MKLN1: variants seen among roughly 807,000 people sequenced by gnomAD.
MKLN1 encodes the protein muskelin.
In MKLN1, 18 loss-of-function variants were observed where a neutral mutation model predicts 99.0. The observed-to-expected ratio is 0.18, with a 90% CI of 0.13 to 0.27. The LOEUF is 0.27. Ranked by LOEUF, MKLN1 falls within the 10% of genes least tolerant of loss-of-function variation. The pLI, the probability that MKLN1 is intolerant of heterozygous loss-of-function variation, is 1.00. For missense variants in MKLN1, 621 were observed against 875.9 expected, an observed-to-expected ratio of 0.71 and a Z score of 3.67; for synonymous variants, 288 against 293.2, an observed-to-expected ratio of 0.98 and a Z score of 0.18.
At chr7:131,453,091 T>G (rs913743983) in intron 12 of MKLN1, among the ~76,000 whole-genome samples, 1 of 152,218 alleles carries the variant, frequency 6.6e-6, no homozygotes, top group South Asian at 2.1e-4. Flanking sequence ...ATAATAACTT[T>G]CCCTGATTTC....
At chr7:131,357,417 T>C (rs574598397) in intron 1 of MKLN1, among the ~76,000 whole-genome samples, 2 of 152,298 alleles carry the variant, frequency 1.3e-5, no homozygotes, top group South Asian at 2.1e-4. Context: ...TTTTCCCTTT[T>C]GCATACTGTA....
intron 12 of MKLN1, among the ~76,000 whole-genome samples, chr7:131,457,143 G>C (rs1043195998): frequency 6.6e-6 from 1 of 151,980 alleles, no homozygotes; most frequent in Admixed American, 6.6e-5. Context: ...CAGGCATGGT[G>C]GCACGTGCCT....
At position 131,128,859 on chromosome 7, in the gene MKLN1, G is replaced by A. The variant is rs1056038392; in HGVS notation, c.-418-13961G>A. ...AGGTGATCCTTCCCCTTCAGCCTCCGGAGTAGCTAGGACCACACGTGTGTG... is the reference window on the plus strand; with the variant it reads ...AGGTGATCCTTCCCCTTCAGCCTCCAGAGTAGCTAGGACCACACGTGTGTG... On this transcript the variant is annotated intron_variant, in intron 1 of 7. Coordinates refer to the MKLN1 transcript ENST00000416992. Among the ~76,000 whole-genome samples the A allele has an allele frequency of 4.0e-5, 6 of 149,860 alleles. No individual in the cohort carries two copies. The Admixed American group carries it at 4.0e-4, about 10-fold the overall frequency.
Position 131,463,360 on chromosome 7 carries a change from A to T in MKLN1, c.1669A>T (p.Ser557Cys). The T allele has an allele frequency of 6.2e-7, 1 of 1,610,956 alleles. No individual in the cohort carries two copies. The highest frequency in any genetic ancestry group is 8.5e-7 in the Non-Finnish European group (1 of 1,178,892). The change falls in exon 13 of 18, where the codon AGT (serine) becomes TGT (cysteine). Residue 557 changes from serine (S) to cysteine (C), a missense_variant. Transcript: ENST00000352689. ...SFWIYDIVRN[S>C]WSCVYKNDQA... ...CTGGATTTATGACATTGTGAGGAAT[A>T]GTTGGTAAGGAACTCTTGTCTCTGC...
chr7:131,249,003 A>G (rs565044933), intron 3 of MKLN1, among the ~76,000 whole-genome samples: 2 of 152,352 alleles, frequency 1.3e-5, no homozygotes, highest in African/African-American at 4.8e-5. Context: ...CTGGAGAAAC[A>G]TAACTGGTCT....
intron 6 of MKLN1, among the ~76,000 whole-genome samples, chr7:131,409,909 T>C (rs1051118585): frequency 3.3e-5 from 5 of 152,200 alleles, no homozygotes; most frequent in African/African-American, 1.2e-4. Context: ...ATTCTTGTAC[T>C]TCGACAAATT....
At chr7:131,162,101 T>C (rs1796063760) in intron 2 of MKLN1, among the ~76,000 whole-genome samples, 1 of 151,462 alleles carries the variant, frequency 6.6e-6, no homozygotes, top group African/African-American at 2.4e-5. Flanking sequence ...TGGCACGATC[T>C]AGGCTCACTG....
At chr7:131,329,157 A>C (rs1439934417) in intron 1 of MKLN1, among the ~76,000 whole-genome samples, 4 of 152,240 alleles carry the variant, frequency 2.6e-5, no homozygotes, top group Admixed American at 2.6e-4. Context: ...GTATTTGAGA[A>C]ATTCTTCACA....
rs894055236 is a variant in MKLN1 at position 131,493,522 on chromosome 7, A to G, written c.*5794A>G. 3 of 152,250 alleles carry G rather than the reference A, an allele frequency of 2.0e-5. No homozygotes were observed. Among genetic ancestry groups the G allele is most frequent in the African/African-American group, 7.2e-5 (3 of 41,470 alleles). 9.4% of individuals were successfully genotyped at this position (152,250 alleles called of 1,614,324 possible). A position where few individuals can be genotyped will look rare whatever the true frequency, so the allele number is the denominator to read the frequency against. On this transcript the variant is annotated 3_prime_UTR_variant, in exon 18 of 18. Transcript: ENST00000352689. ...TCTAGAATATTCAGTAATTCTGAAT[A>G]GTCTTTGGGAAGTAGCATTTCTTGG...
intron 1 of MKLN1, among the ~76,000 whole-genome samples, chr7:131,132,943 A>AAAAAGAAAG (rs1795577350): frequency 1.4e-5 from 1 of 72,814 alleles, no homozygotes; most frequent in African/African-American, 5.0e-5. Flanking sequence ...AAAAAAAAAA[A>AAAAAGAAAG]AAAAAAAGAA....
chr7:131,273,791 T>C (rs912115121), intron 3 of MKLN1, among the ~76,000 whole-genome samples: 6 of 151,972 alleles, frequency 3.9e-5, no homozygotes, highest in Admixed American at 3.9e-4. Context: ...GTCTTGCTAA[T>C]TTTTTATGGG....
chr7:131,372,025 G>C (rs1219060831), intron 1 of MKLN1, among the ~76,000 whole-genome samples: 1 of 151,766 alleles, frequency 6.6e-6, no homozygotes, highest in Admixed American at 6.6e-5. Flanking sequence ...ACTTTAAATA[G>C]TATTAATTTT....
intron 3 of MKLN1, among the ~76,000 whole-genome samples, chr7:131,260,095 G>C (rs1311975041): frequency 1.3e-5 from 2 of 151,884 alleles, no homozygotes; most frequent in East Asian, 3.9e-4. Flanking sequence ...GCCCAGGCTG[G>C]AGTACAGTGG....
intron 1 of MKLN1, among the ~76,000 whole-genome samples, chr7:131,343,623 A>T (rs994089024): frequency 6.6e-6 from 1 of 152,216 alleles, no homozygotes; most frequent in Non-Finnish European, 1.5e-5. Flanking sequence ...ATCAGAAGAT[A>T]ACAAGCACTT....
At chr7:131,248,573 C>T (rs1398335838) in intron 3 of MKLN1, among the ~76,000 whole-genome samples, 1 of 152,160 alleles carries the variant, frequency 6.6e-6, no homozygotes, top group East Asian at 1.9e-4. Context: ...GAGATTGTGC[C>T]TTTGTGTTGC....
intron 1 of MKLN1, among the ~76,000 whole-genome samples, chr7:131,132,874 C>T (rs1220228757): frequency 5.5e-5 from 7 of 127,400 alleles, no homozygotes; most frequent in Admixed American, 1.0e-4. Flanking sequence ...TGCAGTGGAC[C>T]GAGATCAAGC....
intron 12 of MKLN1, among the ~76,000 whole-genome samples, chr7:131,457,893 C>T (rs1365575741): frequency 6.6e-6 from 1 of 151,650 alleles, no homozygotes; most frequent in Non-Finnish European, 1.5e-5. Context: ...CCAGCCTGGG[C>T]AACAAGAGTG....
At chr7:131,403,957 A>G (rs1178911149) in intron 6 of MKLN1, among the ~76,000 whole-genome samples, 1 of 152,232 alleles carries the variant, frequency 6.6e-6, no homozygotes, top group Non-Finnish European at 1.5e-5. Flanking sequence ...GTATCTGTGA[A>G]GCGTGGTCAA....
intron 2 of MKLN1, among the ~76,000 whole-genome samples, chr7:131,176,112 GTTTAT>G (rs563760150): frequency 1.3e-3 from 202 of 152,026 alleles, no homozygotes; most frequent in Non-Finnish European, 2.6e-3. Context: ...TTTTATTAAA[GTTTAT>G]TTTATCAAAA....
Sources: gnomAD v4.1 joint callset for allele counts (sites outside exome capture counted in the v4.1 genomes callset) on GRCh38, gnomAD v4.1.1 for gene constraint, MANE v1.5 for transcripts, NCBI Gene and HGNC (gene_info 2026-07-23, HGNC 2026-07-21) for gene names.